ZNF804A: variants seen among roughly 807,000 people sequenced by gnomAD.
ZNF804A encodes the protein zinc finger protein 804A.
Under a neutral mutation model 16.5 loss-of-function variants are expected in ZNF804A, and 2 were observed. That is an observed-to-expected ratio of 0.12 (90% confidence interval 0.05 to 0.38). The LOEUF is 0.38. Ranked by LOEUF, ZNF804A falls within the 10% of genes least tolerant of loss-of-function variation. The probability of loss-of-function intolerance (pLI) is 0.99; values close to 1 mark genes in which losing one functional copy is unlikely to be tolerated. For synonymous variants in ZNF804A, 534 were observed against 489.6 expected (o/e 1.09, Z -1.20); for missense variants, 1,473 against 1,390.7 (o/e 1.06, Z -0.94).
intron 2 of ZNF804A, among the ~76,000 whole-genome samples, chr2:184,918,606 G>T (rs1685487311): frequency 6.6e-6 from 1 of 151,856 alleles, no homozygotes; most frequent in Non-Finnish European, 1.5e-5. Context: ...TCTTTTTTGG[G>T]GTGGATGAGG....
intron 2 of ZNF804A, among the ~76,000 whole-genome samples, chr2:184,889,085 T>C (rs1684942735): frequency 6.6e-6 from 1 of 152,078 alleles, no homozygotes; most frequent in South Asian, 2.1e-4. Context: ...CAACAGCATG[T>C]ACTTTAGTTT....
chr2:184,727,074 T>C (rs1574182854), intron 1 of ZNF804A, among the ~76,000 whole-genome samples: 1 of 151,680 alleles, frequency 6.6e-6, no homozygotes, highest in South Asian at 2.1e-4. Flanking sequence ...AAACATAACA[T>C]TTTCTTTGCA....
intron 1 of ZNF804A, among the ~76,000 whole-genome samples, chr2:184,779,471 T>C (rs1012247058): frequency 2.0e-5 from 3 of 151,698 alleles, no homozygotes; most frequent in Non-Finnish European, 4.4e-5. Context: ...TTAGGTTACA[T>C]GGGAAAGGGA....
At chr2:184,823,126 T>C (rs1004884134) in intron 1 of ZNF804A, among the ~76,000 whole-genome samples, 7 of 152,088 alleles carry the variant, frequency 4.6e-5, no homozygotes, top group African/African-American at 1.7e-4. Flanking sequence ...GGTTTGGTAT[T>C]TGGTGAAGGC....
At chr2:184,720,310 G>A (rs192601956) in intron 1 of ZNF804A, among the ~76,000 whole-genome samples, 90 of 152,246 alleles carry the variant, frequency 5.9e-4, no homozygotes, top group African/African-American at 2.1e-3. Context: ...TGGAATATAA[G>A]AAATTTATAT....
chr2:184,774,257 A>C (rs1224962848), intron 1 of ZNF804A, among the ~76,000 whole-genome samples: 2 of 151,936 alleles, frequency 1.3e-5, no homozygotes, highest in Non-Finnish European at 2.9e-5. Context: ...CAGAATTTAC[A>C]TCTATTTGGT....
intron 2 of ZNF804A, among the ~76,000 whole-genome samples, chr2:184,910,606 T>C (rs1244091420): frequency 6.6e-6 from 1 of 152,114 alleles, no homozygotes; most frequent in Non-Finnish European, 1.5e-5. Flanking sequence ...TGTAGAAGCA[T>C]TCTCTTTTCT....
At chr2:184,892,767 G>A (rs1207663612) in intron 2 of ZNF804A, among the ~76,000 whole-genome samples, 1 of 152,148 alleles carries the variant, frequency 6.6e-6, no homozygotes, top group African/African-American at 2.4e-5. Context: ...ACAGGTGTGA[G>A]CCACTGCACT....
chr2:184,896,554 G>A (rs1685072921), intron 2 of ZNF804A, among the ~76,000 whole-genome samples: 2 of 152,042 alleles, frequency 1.3e-5, no homozygotes, highest in South Asian at 4.1e-4. Flanking sequence ...ATTGCCAGGA[G>A]GTCTGTCATT....
At chr2:184,859,279 G>A (rs1369731740) in intron 1 of ZNF804A, among the ~76,000 whole-genome samples, 1 of 151,426 alleles carries the variant, frequency 6.6e-6, no homozygotes, top group Non-Finnish European at 1.5e-5. Flanking sequence ...ATTCCATAAG[G>A]ATCTTTTATT....
intron 1 of ZNF804A, among the ~76,000 whole-genome samples, chr2:184,623,505 T>C (rs570566580): frequency 4.5e-4 from 69 of 152,244 alleles, no homozygotes; most frequent in African/African-American, 1.6e-3. Context: ...TTTTCATATA[T>C]TTTTACTATG....
intron 1 of ZNF804A, among the ~76,000 whole-genome samples, chr2:184,616,588 G>A (rs766118475): frequency 3.3e-5 from 5 of 152,056 alleles, no homozygotes; most frequent in East Asian, 1.9e-4. Flanking sequence ...CAGACAGAAC[G>A]TAAGAGCTGC....
chr2:184,819,749 C>A (rs1030308833), intron 1 of ZNF804A, among the ~76,000 whole-genome samples: 5 of 151,940 alleles, frequency 3.3e-5, no homozygotes, highest in Admixed American at 6.6e-5. Context: ...ACCACTGACC[C>A]CGCAGAAATA....
At position 184,610,507 on chromosome 2, in the gene ZNF804A, AT is replaced by A. The variant is rs572924836; in HGVS notation, c.111+11448del. On this transcript the variant is annotated intron_variant, in intron 1 of 3. Transcript: ENST00000302277. ...TGGGTTTAATGAGAAGTGTGTAGTG[AT>A]TTTTTTTTTTAACAACTGGTCAAGG... 7.8e-3 allele frequency among the ~76,000 whole-genome samples: 1,151 copies of A among 148,484 alleles called. 19 individuals are homozygous for A. The highest frequency in any genetic ancestry group is 0.011 in the East Asian group (58 of 5,080).
chr2:184,885,853 T>A (rs980745289), intron 2 of ZNF804A, among the ~76,000 whole-genome samples: 1 of 152,076 alleles, frequency 6.6e-6, no homozygotes, highest in African/African-American at 2.4e-5. Context: ...CCACAACATG[T>A]GGGAATTCTG....
intron 1 of ZNF804A, among the ~76,000 whole-genome samples, chr2:184,792,165 A>G (rs1249130447): frequency 2.0e-5 from 3 of 152,170 alleles, no homozygotes; most frequent in African/African-American, 7.2e-5. Context: ...CTTTTGGTTC[A>G]TTTGAGTGGA....
At chr2:184,716,876 T>C (rs1437143826) in intron 1 of ZNF804A, among the ~76,000 whole-genome samples, 4 of 152,284 alleles carry the variant, frequency 2.6e-5, no homozygotes, top group East Asian at 1.9e-4. Context: ...AAATAATTTT[T>C]TGTTTGTATT....
intron 1 of ZNF804A, among the ~76,000 whole-genome samples, chr2:184,719,197 T>G (rs1387527697): frequency 6.6e-6 from 1 of 152,158 alleles, no homozygotes; most frequent in African/African-American, 2.4e-5. Context: ...TTGGCCCGTT[T>G]TAGTCACGGC....
chr2:184,840,535 T>G (rs528243671), intron 1 of ZNF804A, among the ~76,000 whole-genome samples: 4 of 152,308 alleles, frequency 2.6e-5, no homozygotes, highest in African/African-American at 9.6e-5. Flanking sequence ...ATTAGAAATG[T>G]CATTTTTAAT....
Sources: allele counts gnomAD v4.1 joint callset (sites outside exome capture counted in the v4.1 genomes callset), GRCh38; gene constraint gnomAD v4.1.1; transcripts MANE v1.5; gene names NCBI Gene and HGNC (gene_info 2026-07-23, HGNC 2026-07-21).